The following DPP6 variants were observed in gnomAD, a reference collection of about 807,000 sequenced individuals.
The protein encoded by DPP6 is dipeptidyl peptidase like 6, also known as A-type potassium channel modulatory protein DPP6.
DPP6 carries 69 observed loss-of-function variants against 122.6 expected under a neutral mutation model. The ratio of observed to expected loss-of-function variants is 0.56; its 90% CI spans 0.46 to 0.69. DPP6 has a LOEUF of 0.69. Among genes scored for constraint, DPP6 ranks in the 30% least tolerant of loss-of-function variants. DPP6 has a pLI of 0.00. For missense variants in DPP6, 928 were observed against 1,116.9 expected (o/e 0.83, Z 2.41); for synonymous variants, 418 against 433.1 (o/e 0.97, Z 0.43).
chr7:154,296,549 C>G (rs190680237), intron 1 of DPP6, among the ~76,000 whole-genome samples: 219 of 152,226 alleles, frequency 1.4e-3, no homozygotes, highest in Admixed American at 2.5e-3. Context: ...TCCTTGGTTC[C>G]CAGGAAAAGT....
intron 10 of DPP6, among the ~76,000 whole-genome samples, chr7:154,792,251 G>A (rs1797729256): frequency 6.6e-6 from 1 of 152,272 alleles, no homozygotes; most frequent in Non-Finnish European, 1.5e-5. Flanking sequence ...CAGGCCCCAT[G>A]TGGCTCTCAC....
chr7:153,989,565 G>C (rs572477018), intron 1 of DPP6, among the ~76,000 whole-genome samples: 14 of 152,066 alleles, frequency 9.2e-5, no homozygotes, highest in Admixed American at 5.2e-4. Flanking sequence ...TTGCCAACGT[G>C]TGCGGGAAGC....
intron 7 of DPP6, among the ~76,000 whole-genome samples, chr7:154,701,464 A>G (rs993482489): frequency 6.6e-6 from 1 of 152,182 alleles, no homozygotes; most frequent in Non-Finnish European, 1.5e-5. Flanking sequence ...ATCCTTATCC[A>G]TAGGCATTTT....
At chr7:153,748,776 GC>G in the DPP6 span, among the ~76,000 whole-genome samples, 1 of 130,912 alleles carries the variant, frequency 7.6e-6, no homozygotes, top group African/African-American at 2.8e-5. Context: ...GGATTTTACC[GC>G]CCCTGCACAG....
intron 8 of DPP6, among the ~76,000 whole-genome samples, chr7:154,737,487 C>T (rs970419737): frequency 1.3e-5 from 2 of 152,126 alleles, no homozygotes; most frequent in African/African-American, 4.8e-5. Context: ...TATGGTCACA[C>T]TGTTATTTTT....
chr7:154,881,441 G>A (rs892132503), intron 21 of DPP6, among the ~76,000 whole-genome samples: 1 of 152,224 alleles, frequency 6.6e-6, no homozygotes, highest in African/African-American at 2.4e-5. Context: ...AGCTGTAGCT[G>A]AGGCCCACGG....
At chr7:154,204,177 GCA>G (rs1217972122) in intron 1 of DPP6, among the ~76,000 whole-genome samples, 1 of 152,182 alleles carries the variant, frequency 6.6e-6, no homozygotes, top group Admixed American at 6.5e-5. Flanking sequence ...TCAGTGTCAG[GCA>G]CAGAGTGGCA....
intron 8 of DPP6, among the ~76,000 whole-genome samples, chr7:154,769,202 C>T (rs1796087078): frequency 6.6e-6 from 1 of 152,128 alleles, no homozygotes; most frequent in African/African-American, 2.4e-5. Flanking sequence ...TGGGGTTTTC[C>T]TGTGCTGGAC....
intron 1 of DPP6, among the ~76,000 whole-genome samples, chr7:154,270,896 C>T (rs900395566): frequency 2.0e-5 from 3 of 152,188 alleles, no homozygotes; most frequent in South Asian, 2.1e-4. Context: ...TCCCCCTTCA[C>T]CTCCTACAAC....
At chr7:154,771,429 C>T (rs1388674123) in intron 9 of DPP6, among the ~76,000 whole-genome samples, 2 of 152,386 alleles carry the variant, frequency 1.3e-5, no homozygotes, top group East Asian at 3.9e-4. Context: ...CAAGAGAGGG[C>T]TCTGGTGTCT....
intron 3 of DPP6, among the ~76,000 whole-genome samples, chr7:154,533,873 C>T (rs10263562): frequency 0.15 from 23,056 of 151,970 alleles, 1,818 homozygotes; most frequent in African/African-American, 0.21. Context: ...TGGCATGTGC[C>T]TGTGGTCCCA....
At chr7:154,870,160 T>C (rs1410887928) in intron 18 of DPP6, among the ~76,000 whole-genome samples, 3 of 150,406 alleles carry the variant, frequency 2.0e-5, no homozygotes, top group Middle Eastern at 3.4e-3. Context: ...TTTTTTTTTT[T>C]TTTTCGTAGA....
intron 5 of DPP6, among the ~76,000 whole-genome samples, chr7:154,590,325 T>G (rs1044345626): frequency 6.6e-6 from 1 of 151,834 alleles, no homozygotes; most frequent in African/African-American, 2.4e-5. Context: ...TATTCAAAAA[T>G]TACAACCTGG....
At chr7:153,758,380 C>A in the DPP6 span, among the ~76,000 whole-genome samples, 2 of 152,150 alleles carry the variant, frequency 1.3e-5, no homozygotes, top group East Asian at 1.9e-4. Context: ...GTTGACTGTG[C>A]ATATTTAGAA....
chr7:153,941,029 C>A (rs1018917699), intron 1 of DPP6, among the ~76,000 whole-genome samples: 1 of 151,842 alleles, frequency 6.6e-6, no homozygotes, highest in Admixed American at 6.6e-5. Context: ...GGAAACTAAC[C>A]GCGGACAGAA....
chr7:153,948,417 A>G (rs1802046658), intron 1 of DPP6, among the ~76,000 whole-genome samples: 1 of 152,150 alleles, frequency 6.6e-6, no homozygotes, highest in South Asian at 2.1e-4. Flanking sequence ...GACTTTTGCC[A>G]TAAATTCTAG....
chr7:154,571,950 G>A (rs556697538), intron 5 of DPP6, among the ~76,000 whole-genome samples: 1 of 152,254 alleles, frequency 6.6e-6, no homozygotes, highest in East Asian at 1.9e-4. Context: ...CTTCTATAAA[G>A]AAGACTGTGG....
At chr7:153,934,397 G>A (rs970321246) in intron 1 of DPP6, among the ~76,000 whole-genome samples, 3 of 152,102 alleles carry the variant, frequency 2.0e-5, no homozygotes, top group African/African-American at 7.2e-5. Flanking sequence ...TAAAATAACA[G>A]TGTGGAATAA....
intron 5 of DPP6, among the ~76,000 whole-genome samples, chr7:154,575,442 G>GGGTGTGTATGTGTGTGTGGTA (rs1586663103): frequency 9.6e-6 from 1 of 104,710 alleles, no homozygotes; most frequent in African/African-American, 4.2e-5. Flanking sequence ...TATGTGTGTG[G>GGGTGTGTATGTGTGTGTGGTA]TGTGTGTATG....
Sources: gnomAD v4.1 joint callset for allele counts (sites outside exome capture counted in the v4.1 genomes callset) on GRCh38, gnomAD v4.1.1 for gene constraint, MANE v1.5 for transcripts, NCBI Gene and HGNC (gene_info 2026-07-23, HGNC 2026-07-21) for gene names.